Variants in ARHGEF10L observed in about 807,000 individuals in gnomAD.
ARHGEF10L encodes Rho guanine nucleotide exchange factor 10 like.
A neutral mutation model predicts 141.2 loss-of-function variants in ARHGEF10L; 69 were observed. The observed-to-expected ratio is 0.49, with a 90% CI of 0.40 to 0.60. The LOEUF (loss-of-function observed/expected upper bound fraction) is 0.60, where lower values mean the gene tolerates loss of function less well. Ranked by LOEUF, ARHGEF10L falls within the 20% of genes least tolerant of loss-of-function variation. The probability of loss-of-function intolerance (pLI) is 0.00; values close to 1 mark genes in which losing one functional copy is unlikely to be tolerated. For synonymous variants in ARHGEF10L, 711 were observed against 718.5 expected (o/e 0.99, Z 0.17); for missense variants, 1,482 against 1,734.3 (o/e 0.85, Z 2.58).
In ARHGEF10L at chr1:17,643,755, A is replaced by C. The variant is rs2061444147; in HGVS notation, c.2272+3453A>C. On this transcript the variant is annotated intron_variant, in intron 21 of 28. Coordinates refer to ENST00000361221, the MANE Select transcript of ARHGEF10L (RefSeq NM_018125.4). ...GAGATGGTGCATGGAAGATGCCTAG[A>C]CAGCCAGCCCTTGGCACATAGGAGC... is the stretch of plus-strand genomic sequence containing the variant. Among the ~76,000 whole-genome samples the C allele has an allele frequency of 1.3e-5, 2 of 152,192 alleles. 1 individual carries two copies. Among genetic ancestry groups the C allele is most frequent in the African/African-American group, 4.8e-5 (2 of 41,424 alleles).
chr1:17,637,566 T>G (rs1044135405), intron 18 of ARHGEF10L, among the ~76,000 whole-genome samples: 4 of 152,146 alleles, frequency 2.6e-5, no homozygotes, highest in Admixed American at 2.0e-4. Flanking sequence ...TGGCGTGATC[T>G]CGGCTCACTG....
chr1:17,566,279 T>A (rs1457191415), intron 1 of ARHGEF10L, among the ~76,000 whole-genome samples: 1 of 152,148 alleles, frequency 6.6e-6, no homozygotes, highest in African/African-American at 2.4e-5. Context: ...CAGATGCCAG[T>A]AGTGTCCCCC....
rs2081052800 is a variant in ARHGEF10L, at chr1:17,605,120, T to C, written c.433+1529T>C. On this transcript the variant is annotated intron_variant, in intron 6 of 28. Transcript: ENST00000361221. Reference sequence around the variant, plus strand: ...TTTTCACACAGGGCCACTGTTGCTGTTGTTGTTAGTGTTATGCCTGCCGAG... The same window carrying C: ...TTTTCACACAGGGCCACTGTTGCTGCTGTTGTTAGTGTTATGCCTGCCGAG... 2.6e-5 allele frequency among the ~76,000 whole-genome samples: 4 copies of C among 152,118 alleles called. No homozygotes were observed. In the South Asian group the frequency reaches 8.3e-4, roughly 32 times the overall value.
the ARHGEF10L span, among the ~76,000 whole-genome samples, chr1:17,518,066 C>T: frequency 6.6e-6 from 1 of 152,206 alleles, no homozygotes; most frequent in Non-Finnish European, 1.5e-5. Flanking sequence ...CAGTCTCTGT[C>T]GCTGATCAAA....
rs112121476 is a variant in ARHGEF10L at position 17,658,778 on chromosome 1, A to G, written c.2860+2070A>G. Among the ~76,000 whole-genome samples, 1,275 of 151,254 alleles carry G rather than the reference A, an allele frequency of 8.4e-3. 18 individuals carry two copies. The highest frequency in any genetic ancestry group is 0.03 in the African/African-American group (1,235 of 40,844). The stretch of plus-strand genomic sequence containing the variant: ...TACATGATGCCGAGGGCTCCGACGG[A>G]AAGGAAAGAGTGTTGTGTGAGAGCC... On this transcript the variant is annotated intron_variant, in intron 25 of 28. Coordinates refer to ENST00000361221, the MANE Select transcript of ARHGEF10L (RefSeq NM_018125.4).
At chr1:17,584,631 A>G (rs2078868345) in intron 2 of ARHGEF10L, among the ~76,000 whole-genome samples, 1 of 152,224 alleles carries the variant, frequency 6.6e-6, no homozygotes, top group Non-Finnish European at 1.5e-5. Context: ...TGCAGTAGAG[A>G]TGCCGCAGCA....
At chr1:17,523,571 A>G in the ARHGEF10L span, among the ~76,000 whole-genome samples, 1 of 152,174 alleles carries the variant, frequency 6.6e-6, no homozygotes, top group African/African-American at 2.4e-5. Context: ...CACTGAAATC[A>G]TCAGTCAGAA....
chr1:17,688,787 T>G (rs1321608806), intron 27 of ARHGEF10L, among the ~76,000 whole-genome samples: 1 of 152,122 alleles, frequency 6.6e-6, no homozygotes, highest in Admixed American at 6.5e-5. Flanking sequence ...GCAGGAGCCT[T>G]AGGGACCTCT....
intron 1 of ARHGEF10L, among the ~76,000 whole-genome samples, chr1:17,562,895 C>T (rs1012457247): frequency 3.3e-5 from 5 of 152,212 alleles, no homozygotes; most frequent in East Asian, 3.9e-4. Context: ...GTGTGATTGA[C>T]GTGGGAGCCG....
At chr1:17,535,445 G>A (rs2076561467), upstream of ARHGEF10L, among the ~76,000 whole-genome samples, 1 of 152,214 alleles carries the variant, frequency 6.6e-6, no homozygotes, top group South Asian at 2.1e-4. Context: ...CTGCACTATG[G>A]AGCTGACTGG....
chr1:17,532,806 G>T, the ARHGEF10L span, among the ~76,000 whole-genome samples: 27 of 151,968 alleles, frequency 1.8e-4, no homozygotes, highest in African/African-American at 6.0e-4. Context: ...TATTGGCCAG[G>T]CTCGTCTTGA....
intron 27 of ARHGEF10L, among the ~76,000 whole-genome samples, chr1:17,689,486 A>C (rs111748356): frequency 0.93 from 965 of 1,042 alleles, 455 homozygotes; most frequent in Admixed American, 0.97. Context: ...TCCTTCCCCT[A>C]CCTCCCTCTC....
chr1:17,565,363 A>G (rs982603681), intron 1 of ARHGEF10L, among the ~76,000 whole-genome samples: 1 of 152,132 alleles, frequency 6.6e-6, no homozygotes, highest in Non-Finnish European at 1.5e-5. Flanking sequence ...CCTCATTTCT[A>G]CCTTCTTCCC....
chr1:17,624,032 C>A (rs934120150), intron 12 of ARHGEF10L, among the ~76,000 whole-genome samples: 5 of 152,190 alleles, frequency 3.3e-5, no homozygotes, highest in African/African-American at 1.2e-4. Context: ...ATTTCCTGAA[C>A]GTGAATGCAG....
rs1018104872 is a variant in ARHGEF10L at position 17,615,050 on chromosome 1, G to A, written c.727-1044G>A. The A allele has an allele frequency of 1.1e-4, 17 of 152,326 alleles. 1 individual carries two copies. Among genetic ancestry groups the A allele is most frequent in the Admixed American group, 3.9e-4 (6 of 15,296 alleles). The allele number at this position is 152,326 out of a possible 1,614,324, so 9.4% of individuals were successfully genotyped here. A position where few individuals can be genotyped will look rare whatever the true frequency, so the allele number is the denominator to read the frequency against. ...CTGCACTGTCCATTATGATAGCCAC[G>A]TGGCTCTTTAAATGGAAATTAACTA... On this transcript the variant is annotated intron_variant, in intron 8 of 28. Transcript: ENST00000361221. The surrounding 1 kb of genome is among the most constrained non-coding windows in gnomAD (Gnocchi z 4.7).
chr1:17,611,986 T>C (rs2059573646), intron 7 of ARHGEF10L, among the ~76,000 whole-genome samples: 1 of 151,812 alleles, frequency 6.6e-6, no homozygotes, highest in Non-Finnish European at 1.5e-5. Context: ...TGTCCATCCA[T>C]CCATCCATCC....
At chr1:17,541,629 G>A (rs1194936221) in intron 1 of ARHGEF10L, among the ~76,000 whole-genome samples, 6 of 152,046 alleles carry the variant, frequency 3.9e-5, no homozygotes, top group Non-Finnish European at 4.4e-5. Context: ...TCAGGAGTTC[G>A]GGATCAGCTT....
At position 17,587,575 on chromosome 1, in the gene ARHGEF10L, C is replaced by T. The variant is rs201790091; in HGVS notation, c.153C>T (p.Gly51=). The T allele has an allele frequency of 4.9e-5, 79 of 1,614,154 alleles. No individual in the cohort carries two copies. The highest frequency in any genetic ancestry group is 8.0e-5 in the African/African-American group (6 of 75,056). The change falls in exon 3 of 29, where the codon GGC becomes GGT. Residue 51 remains glycine (G), a synonymous_variant. Coordinates refer to ENST00000361221, the MANE Select transcript of ARHGEF10L (RefSeq NM_018125.4). ...DDEEDTSAAL[G]VPSLAPERDT... is the part of the protein sequence containing the mutation. ...AAGAGGACACCAGCGCAGCCCTGGG[C>T]GTCCCCAGCCTTGCTCCTGAGAGGG... is the stretch of plus-strand genomic sequence containing the variant.
chr1:17,651,016 G>A (rs2061897707), intron 22 of ARHGEF10L, among the ~76,000 whole-genome samples: 1 of 152,224 alleles, frequency 6.6e-6, no homozygotes, highest in Non-Finnish European at 1.5e-5. Context: ...CAGGATTAGG[G>A]TGAGGCAAGT....
Sources: gnomAD v4.1 joint callset for allele counts (sites outside exome capture counted in the v4.1 genomes callset) on GRCh38, gnomAD v4.1.1 for gene constraint, Gnocchi (gnomAD v3.1) non-coding constraint, MANE v1.5 for transcripts, NCBI Gene and HGNC (gene_info 2026-07-23, HGNC 2026-07-21) for gene names.